SEC61G: variants seen among roughly 807,000 people sequenced by gnomAD.
SEC61G encodes SEC61 translocon subunit gamma.
Under a neutral mutation model 7.5 loss-of-function variants are expected in SEC61G, and 4 were observed. The ratio of observed to expected loss-of-function variants is 0.54; its 90% confidence interval spans 0.26 to 1.22. SEC61G has a LOEUF of 1.22. SEC61G is among the 50% of genes most tolerant of loss of function. The pLI is 0.12. For synonymous variants in SEC61G, 24 were observed against 24.4 expected, an observed-to-expected ratio of 0.98 and a Z score of 0.05; for missense variants, 53 against 84.6, an observed-to-expected ratio of 0.63 and a Z score of 1.46.
chr7:54,757,429 G>A, intron 2 of SEC61G, 66 bp downstream of exon 2: 1 of 1,266,798 alleles, frequency 7.9e-7, no homozygotes, highest in East Asian at 2.3e-5. Flanking sequence ...TAATCAAGAT[G>A]TTAATCAAAC....
At chr7:54,754,164 GGAAA>G (rs1480622390) in intron 3 of SEC61G, among the ~76,000 whole-genome samples, 1 of 152,120 alleles carries the variant, frequency 6.6e-6, no homozygotes, top group East Asian at 1.9e-4. Context: ...TGAAGGCCGG[GGAAA>G]AAATTTGAAA....
At chr7:54,759,005 C>T in intron 1 of SEC61G, 153 bp downstream of exon 1, 1 of 327,664 alleles carries the variant, frequency 3.1e-6, no homozygotes, top group Non-Finnish European at 6.1e-6. Flanking sequence ...TGTCGGCGGC[C>T]AGACCCCGGC....
At position 54,753,702 on chromosome 7, in the gene SEC61G, T is replaced by A. The variant is rs116960189; in HGVS notation, c.198-1282A>T. On this transcript the variant is annotated intron_variant, in intron 3 of 3. Transcript: ENST00000352861. Reference sequence around the variant, plus strand: ...AGGTAAAAAATATCTAAAGATAGATTTTTTAACTTCTTAAACATTGAAACC... The same window carrying A: ...AGGTAAAAAATATCTAAAGATAGATATTTTAACTTCTTAAACATTGAAACC... 7.8e-3 allele frequency among the ~76,000 whole-genome samples: 1,185 copies of A among 152,314 alleles called. 12 individuals are homozygous for A. The highest frequency in any genetic ancestry group is 0.02 in the Middle Eastern group (6 of 294).
intron 1 of SEC61G, among the ~76,000 whole-genome samples, chr7:54,758,408 G>A (rs1341719598): frequency 6.6e-6 from 1 of 152,176 alleles, no homozygotes; most frequent in Non-Finnish European, 1.5e-5. Flanking sequence ...TGGCCAGGTG[G>A]TAGTTCAAAT....
In SEC61G at chr7:54,752,376, A is replaced by G. The variant is rs766794650; in HGVS notation, c.*35T>C. On this transcript the variant is annotated 3_prime_UTR_variant, in exon 4 of 4. Coordinates refer to ENST00000352861, the MANE Select transcript of SEC61G (RefSeq NM_014302.4). ...CTCACACCCTCACACTTGTTCACCAATCTCTAAGATGAAAAACTCTCTTCC... is the reference window on the plus strand; with the variant it reads ...CTCACACCCTCACACTTGTTCACCAGTCTCTAAGATGAAAAACTCTCTTCC... 1.3e-6 allele frequency: 2 copies of G among 1,504,486 alleles called. No individual in the cohort carries two copies. The highest frequency in any genetic ancestry group is 2.1e-5 in the Admixed American group (1 of 48,536). 93.2% of individuals were successfully genotyped at this position (1,504,486 alleles called of 1,614,324 possible).
At chr7:54,757,421 A>G (rs995483031) in intron 2 of SEC61G, 74 bp downstream of exon 2, 11 of 1,190,442 alleles carry the variant, frequency 9.2e-6, no homozygotes, top group Non-Finnish European at 1.4e-5. Context: ...AGGGCTATTA[A>G]TCAAGATGTT....
At chr7:54,756,924 T>A (rs1791526206) in intron 2 of SEC61G, among the ~76,000 whole-genome samples, 1 of 148,274 alleles carries the variant, frequency 6.7e-6, no homozygotes, top group Non-Finnish European at 1.5e-5. Flanking sequence ...TGTTATATAC[T>A]ATATTATATA....
At chr7:54,752,698 A>T (rs897006076) in intron 3 of SEC61G, among the ~76,000 whole-genome samples, 1 of 152,202 alleles carries the variant, frequency 6.6e-6, no homozygotes, top group African/African-American at 2.4e-5. Flanking sequence ...GCCTTTCTGA[A>T]CACAACAAAA....
At position 54,752,375 on chromosome 7, in the gene SEC61G, A is replaced by C. The variant is rs370271240; in HGVS notation, c.*36T>G. 1.2e-5 allele frequency: 18 copies of C among 1,501,248 alleles called. No individual in the cohort carries two copies. Among genetic ancestry groups the C allele is most frequent in the Non-Finnish European group, 1.5e-5 (17 of 1,104,272 alleles). 93.0% of individuals were successfully genotyped at this position (1,501,248 alleles called of 1,614,324 possible). A position where few individuals can be genotyped will look rare whatever the true frequency, so the allele number is the denominator to read the frequency against. On this transcript the variant is annotated 3_prime_UTR_variant, in exon 4 of 4. Transcript: ENST00000352861. Reference sequence around the variant, plus strand: ...TCTCACACCCTCACACTTGTTCACCAATCTCTAAGATGAAAAACTCTCTTC... The same window carrying C: ...TCTCACACCCTCACACTTGTTCACCCATCTCTAAGATGAAAAACTCTCTTC...
At chr7:54,753,259 C>T (rs1396211531) in intron 3 of SEC61G, among the ~76,000 whole-genome samples, 1 of 152,066 alleles carries the variant, frequency 6.6e-6, no homozygotes, top group Non-Finnish European at 1.5e-5. Context: ...CACCACTGCA[C>T]TCCAGCCTGG....
At chr7:54,756,951 ATATATACTATATACTATATATAC>A (rs1380141391) in intron 2 of SEC61G, among the ~76,000 whole-genome samples, 4 of 145,510 alleles carry the variant, frequency 2.7e-5, no homozygotes, top group South Asian at 2.2e-4. Flanking sequence ...ACTATACTAT[ATATATACTATATACTATATATAC>A]TATATACTAT....
Position 54,752,507 on chromosome 7 carries a change from T to C in SEC61G, c.198-87A>G, listed in dbSNP as rs1467567264. On this transcript the variant is annotated intron_variant, in intron 3 of 3. Transcript: ENST00000352861. ...TTTGAAATGCAATATGCTATAACTT[T>C]AACGGCTCAAGACCAATTATGTGAA... 9 of 818,540 alleles carry C rather than the reference T, an allele frequency of 1.1e-5. No homozygotes were observed. In the East Asian group the frequency reaches 2.6e-4, roughly 24 times the overall value. 50.7% of individuals were successfully genotyped at this position (818,540 alleles called of 1,614,324 possible).
At chr7:54,759,098 A>C in intron 1 of SEC61G, 60 bp downstream of exon 1, 1 of 479,640 alleles carries the variant, frequency 2.1e-6, no homozygotes. Flanking sequence ...CGCTGCCCCC[A>C]AGAGTCGCAA....
At position 54,752,533 on chromosome 7, in the gene SEC61G, T is replaced by A. The variant is rs569836914; in HGVS notation, c.198-113A>T. ...AACGGCTCAAGACCAATTATGTGAATCCCACCTAACTTCATCTAAAGATGG... is the reference window on the plus strand; with the variant it reads ...AACGGCTCAAGACCAATTATGTGAAACCCACCTAACTTCATCTAAAGATGG... On this transcript the variant is annotated intron_variant, in intron 3 of 3. Coordinates refer to ENST00000352861, the MANE Select transcript of SEC61G (RefSeq NM_014302.4). The A allele has an allele frequency of 6.8e-5, 38 of 559,296 alleles. No homozygotes were observed. The South Asian group carries it at 1.2e-3, about 18-fold the overall frequency. The allele number at this position is 559,296 out of a possible 1,614,324, so 34.6% of individuals were successfully genotyped here. A position where few individuals can be genotyped will look rare whatever the true frequency, so the allele number is the denominator to read the frequency against.
chr7:54,758,351 G>GC (rs1476171212), intron 1 of SEC61G, among the ~76,000 whole-genome samples: 3 of 152,170 alleles, frequency 2.0e-5, no homozygotes, highest in Non-Finnish European at 1.5e-5. Context: ...AAGTAAAGCA[G>GC]CCAGGGTGTT....
chr7:54,752,398 T>C lies in SEC61G; in HGVS notation c.*13A>G, dbSNP rs1433713096. The C allele has an allele frequency of 3.3e-6, 5 of 1,535,030 alleles. No homozygotes were observed. The South Asian group carries it at 4.9e-5, about 15-fold the overall frequency. ...CCAATCTCTAAGATGAAAAACTCTC[T>C]TCCAAAATGTATTCAGCCACCACTG... On this transcript the variant is annotated 3_prime_UTR_variant, in exon 4 of 4. Transcript: ENST00000352861.
chr7:54,755,739 G>T, intron 3 of SEC61G, 40 bp downstream of exon 3: 2 of 1,175,684 alleles, frequency 1.7e-6, no homozygotes, highest in Non-Finnish European at 2.4e-6. Context: ...ATGGTTTTGA[G>T]TTTCATTCAA....
In SEC61G at chr7:54,757,978, G is replaced by C. The variant is rs146919102; in HGVS notation, c.-6-384C>G. ...TCTACAGTCCCCTCACCGCTCCTAA[G>C]GAACCATCAGTGTTGAGATCCAACA... On this transcript the variant is annotated intron_variant, in intron 1 of 3. Transcript: ENST00000352861. Among the ~76,000 whole-genome samples, 14 of 152,230 alleles carry C rather than the reference G, an allele frequency of 9.2e-5. No homozygotes were observed. In the East Asian group the frequency reaches 2.7e-3, roughly 29 times the overall value.
In SEC61G at chr7:54,757,975, T is replaced by C. The variant is rs112943447; in HGVS notation, c.-6-381A>G. Among the ~76,000 whole-genome samples the C allele has an allele frequency of 7.8e-3, 1,190 of 152,324 alleles. 12 individuals carry two copies. The highest frequency in any genetic ancestry group is 0.021 in the Middle Eastern group (6 of 292). ...CATTCTACAGTCCCCTCACCGCTCC[T>C]AAGGAACCATCAGTGTTGAGATCCA... On this transcript the variant is annotated intron_variant, in intron 1 of 3. Transcript: ENST00000352861.
Sources: gnomAD v4.1 joint callset for allele counts (sites outside exome capture counted in the v4.1 genomes callset) on GRCh38, gnomAD v4.1.1 for gene constraint, MANE v1.5 for transcripts, NCBI Gene and HGNC (gene_info 2026-07-23, HGNC 2026-07-21) for gene names.